The following NCOR2 variants were observed in gnomAD, a reference collection of about 807,000 sequenced individuals.
The protein encoded by NCOR2 is nuclear receptor corepressor 2.
A neutral mutation model predicts 262.9 loss-of-function variants in NCOR2; 81 were observed. That is an observed-to-expected ratio of 0.31 (90% CI 0.26 to 0.37). NCOR2 has a LOEUF of 0.37. NCOR2 is among the 10% of genes least tolerant of loss of function. The pLI is 1.00. For synonymous variants in NCOR2, 1,659 were observed against 1,559.3 expected, an observed-to-expected ratio of 1.06 and a Z score of -1.51; for missense variants, 3,385 against 3,621.4, an observed-to-expected ratio of 0.93 and a Z score of 1.68.
chr12:124,399,354 C>T (rs1292701177), intron 15 of NCOR2, among the ~76,000 whole-genome samples: 1 of 152,146 alleles, frequency 6.6e-6, no homozygotes, highest in African/African-American at 2.4e-5. Context: ...AGTGTGTTTT[C>T]CACCCTGCGG....
At chr12:124,425,458 G>A (rs1188784787) in intron 11 of NCOR2, among the ~76,000 whole-genome samples, 2 of 151,924 alleles carry the variant, frequency 1.3e-5, no homozygotes, top group Admixed American at 6.5e-5. Flanking sequence ...TATCATTAAT[G>A]TTAGTGTATT....
chr12:124,432,359 G>A lies in NCOR2; in HGVS notation c.883-1572C>T, dbSNP rs921604744. Among the ~76,000 whole-genome samples the A allele has an allele frequency of 6.6e-5, 10 of 152,260 alleles. No individual in the cohort carries two copies. The highest frequency in any genetic ancestry group is 1.7e-4 in the African/African-American group (7 of 41,562). On this transcript the variant is annotated intron_variant, in intron 8 of 46. Transcript: ENST00000405201. This position sits in a 1 kb window ranked among gnomAD's most constrained non-coding sequence, Gnocchi z 5.1. ...CGGTCACCTCCCTTCCTGGTGAACC[G>A]GCCACCCAGACCTGGCCTCCTCTGC...
At chr12:124,356,541 G>T (rs763429098) in intron 23 of NCOR2, 101 bp downstream of exon 25, 4 of 1,077,666 alleles carry the variant, frequency 3.7e-6, no homozygotes, top group South Asian at 3.8e-5. Flanking sequence ...GTCCCATAAG[G>T]CTTTAAGATG....
intron 29 of NCOR2, 77 bp downstream of exon 31, chr12:124,348,097 T>C (rs2037098572): frequency 6.3e-7 from 1 of 1,591,250 alleles, no homozygotes; most frequent in African/African-American, 1.3e-5. Context: ...GGTTTCCCCA[T>C]CTGTAAAACG....
In NCOR2 at chr12:124,334,404, C is replaced by G. The variant is rs965231791; in HGVS notation, c.6605+20G>C. 1.2e-5 allele frequency: 18 copies of G among 1,517,298 alleles called. No individual in the cohort carries two copies. The highest frequency in any genetic ancestry group is 1.6e-5 in the Non-Finnish European group (18 of 1,131,674). The allele number at this position is 1,517,298 out of a possible 1,614,324, so 94.0% of individuals were successfully genotyped here. A position where few individuals can be genotyped will look rare whatever the true frequency, so the allele number is the denominator to read the frequency against. The stretch of plus-strand genomic sequence containing the variant: ...CTCCCGCCGGCTGACCAGCAAGAGG[C>G]ACCCCCATCCCTCGCTCACCTCTTG... On this transcript the variant is annotated intron_variant, in intron 41 of 46. Transcript: ENST00000405201.
At chr12:124,512,849 C>A (rs531982871) in intron 1 of NCOR2, among the ~76,000 whole-genome samples, 207 of 152,292 alleles carry the variant, frequency 1.4e-3, no homozygotes, top group African/African-American at 4.6e-3. Context: ...CTCACGCCCA[C>A]GCCTCTCGGC....
exon 24 of NCOR2, chr12:124,355,507 G>T: frequency 6.2e-7 from 1 of 1,609,488 alleles, no homozygotes. Flanking sequence ...GCGGGTTGGA[G>T]ATGGTGGGTG....
chr12:124,501,062 GCACACA>G (rs3040848), intron 1 of NCOR2, among the ~76,000 whole-genome samples: 14,980 of 147,792 alleles, frequency 0.1, 840 homozygotes, highest in African/African-American at 0.11. Flanking sequence ...GCGCACGCGC[GCACACA>G]CACACACACA....
At chr12:124,453,705 G>A (rs895377116) in intron 6 of NCOR2, among the ~76,000 whole-genome samples, 6 of 152,184 alleles carry the variant, frequency 3.9e-5, no homozygotes, top group Admixed American at 3.3e-4. Context: ...TTAAAATAAC[G>A]CCTTGGAACA....
chr12:124,550,719 C>T (rs1300198404), intron 1 of NCOR2, among the ~76,000 whole-genome samples: 1 of 152,214 alleles, frequency 6.6e-6, no homozygotes, highest in Non-Finnish European at 1.5e-5. Context: ...ACCACATGCC[C>T]AGCCTGGCCC....
At chr12:124,487,860 A>G (rs1311541433) in intron 1 of NCOR2, among the ~76,000 whole-genome samples, 1 of 141,504 alleles carries the variant, frequency 7.1e-6, no homozygotes, top group Non-Finnish European at 1.5e-5. Flanking sequence ...TTTGAGAAAC[A>G]TTAAACTGTG....
chr12:124,411,339 A>G (rs2042574715), intron 13 of NCOR2, among the ~76,000 whole-genome samples: 1 of 152,170 alleles, frequency 6.6e-6, no homozygotes, highest in Non-Finnish European at 1.5e-5. Flanking sequence ...GCTTGGGCAG[A>G]GCAGACCCAG....
At chr12:124,529,886 C>T (rs1461040965) in intron 1 of NCOR2, 2 of 152,242 alleles carry the variant, frequency 1.3e-5, no homozygotes, top group Non-Finnish European at 2.9e-5. Context: ...ATGGGACAGC[C>T]ACTTTAGAAA....
At chr12:124,333,463 A>G (rs2035411506) in intron 41 of NCOR2, among the ~76,000 whole-genome samples, 184 bp from the exon 44 acceptor site, 1 of 151,906 alleles carries the variant, frequency 6.6e-6, no homozygotes, top group African/African-American at 2.4e-5. Context: ...TTTTTTTTTT[A>G]AACAACCCTT....
chr12:124,344,018 A>T (rs2135842050), intron 32 of NCOR2, among the ~76,000 whole-genome samples: 1 of 152,358 alleles, frequency 6.6e-6, no homozygotes, highest in Non-Finnish European at 1.5e-5. Context: ...ATATGTAAAC[A>T]AAGACCTGAG....
At chr12:124,348,607 G>A (rs548972758) in intron 28 of NCOR2, 2 of 467,372 alleles carry the variant, frequency 4.3e-6, no homozygotes, top group South Asian at 3.7e-5. Context: ...GCAAGGGTGT[G>A]CCTGTGACCA....
chr12:124,508,289 G>A (rs1566009796), intron 1 of NCOR2, among the ~76,000 whole-genome samples: 2 of 152,260 alleles, frequency 1.3e-5, no homozygotes, highest in Non-Finnish European at 2.9e-5. Context: ...TACCCCAGGG[G>A]CATTGATCAA....
In NCOR2 at chr12:124,373,408, TCAC is replaced by T. The variant is rs755972247; in HGVS notation, c.2219-801_2219-799del. Among the ~76,000 whole-genome samples the T allele has an allele frequency of 3.7e-4, 40 of 107,348 alleles. 1 individual carries two copies. The East Asian group carries it at 5.1e-3, about 14-fold the overall frequency. The allele number at this position is 107,348 out of a possible 152,430, so 70.4% of individuals were successfully genotyped here. On this transcript the variant is annotated intron_variant, in intron 19 of 46. Coordinates refer to ENST00000405201, the Ensembl canonical transcript of NCOR2. ...CAGGGGCCCCGGGCACAGTGGACAA[TCAC>T]GAGGCCAGTGCGTGCGCAGGGGCCC...
In NCOR2 at chr12:124,531,059, G is replaced by A. The variant is rs553383265; in HGVS notation, c.-118+4506C>T. Among the ~76,000 whole-genome samples the A allele has an allele frequency of 1.2e-4, 19 of 152,288 alleles. No homozygotes were observed. Among genetic ancestry groups the A allele is most frequent in the South Asian group, 6.2e-4 (3 of 4,824 alleles). On this transcript the variant is annotated intron_variant, in intron 1 of 46. Coordinates refer to the NCOR2 transcript ENST00000404621. This position sits in a 1 kb window ranked among gnomAD's most constrained non-coding sequence, Gnocchi z 4.5. ...ACGGTTCCTGGGCTCCACCCAACCC[G>A]CCTCTCCCAGGGAAGCAGGGACAAA...
Sources: allele counts gnomAD v4.1 joint callset (sites outside exome capture counted in the v4.1 genomes callset), GRCh38; gene constraint gnomAD v4.1.1; non-coding constraint Gnocchi (gnomAD v3.1); transcripts MANE v1.5; gene names NCBI Gene and HGNC (gene_info 2026-07-23, HGNC 2026-07-21).